Variants in RBM47 observed in about 807,000 individuals in gnomAD.
The protein encoded by RBM47 is RNA binding motif protein 47.
Under a neutral mutation model 47.1 loss-of-function variants are expected in RBM47, and 21 were observed. That is an observed-to-expected ratio of 0.45 (90% CI 0.32 to 0.64). The LOEUF is 0.64. Among genes scored for constraint, RBM47 ranks in the 30% least tolerant of loss-of-function variants. RBM47 has a pLI of 0.05. For synonymous variants in RBM47, 375 were observed against 361.7 expected (o/e 1.04, Z -0.42); for missense variants, 708 against 870.9 (o/e 0.81, Z 2.35).
intron 2 of RBM47, among the ~76,000 whole-genome samples, chr4:40,493,173 T>C (rs1051052732): frequency 2.0e-5 from 3 of 152,174 alleles, no homozygotes; most frequent in African/African-American, 7.2e-5. Context: ...ATTTATAGGA[T>C]TCCCCCTATG....
intron 1 of RBM47, among the ~76,000 whole-genome samples, chr4:40,549,109 T>TGGGGGG (rs369365106): frequency 6.8e-6 from 1 of 147,000 alleles, no homozygotes; most frequent in African/African-American, 2.6e-5. Flanking sequence ...TCTTTTTTTT[T>TGGGGGG]GGGGGGGGGG....
intron 1 of RBM47, among the ~76,000 whole-genome samples, chr4:40,609,309 T>G (rs1736040764): frequency 6.7e-6 from 1 of 149,334 alleles, no homozygotes; most frequent in Admixed American, 6.6e-5. Flanking sequence ...TTTATTTTTA[T>G]TTTTATTGGT....
chr4:40,544,900 A>G (rs564647628), intron 1 of RBM47, among the ~76,000 whole-genome samples: 1 of 152,244 alleles, frequency 6.6e-6, no homozygotes, highest in Admixed American at 6.5e-5. Context: ...GTGAGAGCCT[A>G]TCTCTACAAA....
At chr4:40,629,291 G>C (rs1738015802) in intron 1 of RBM47, 105 bp downstream of exon 1, 1 of 152,072 alleles carries the variant, frequency 6.6e-6, no homozygotes, top group Non-Finnish European at 1.5e-5. Flanking sequence ...TGAGGGATAA[G>C]AGCTAAAGAG....
chr4:40,577,522 C>A (rs1032758359), intron 1 of RBM47, among the ~76,000 whole-genome samples: 21 of 151,246 alleles, frequency 1.4e-4, no homozygotes, highest in African/African-American at 7.3e-5. Flanking sequence ...ATAATGGGTA[C>A]CTGGTTAGAT....
intron 1 of RBM47, among the ~76,000 whole-genome samples, chr4:40,616,134 C>G (rs1371755437): frequency 2.0e-5 from 3 of 151,978 alleles, no homozygotes; most frequent in African/African-American, 4.8e-5. Context: ...GGGCGGATCA[C>G]GAGGTCAGGA....
chr4:40,620,003 C>T (rs1737104599), intron 1 of RBM47, among the ~76,000 whole-genome samples: 1 of 152,052 alleles, frequency 6.6e-6, no homozygotes, highest in Non-Finnish European at 1.5e-5. Context: ...TTGAGTCCAG[C>T]CTGGCCAACA....
intron 1 of RBM47, among the ~76,000 whole-genome samples, chr4:40,566,343 A>G (rs1247414397): frequency 6.6e-6 from 1 of 152,104 alleles, no homozygotes; most frequent in Non-Finnish European, 1.5e-5. Flanking sequence ...TCTGAGGCCA[A>G]CATCGTTAAG....
intron 1 of RBM47, among the ~76,000 whole-genome samples, chr4:40,584,339 G>A (rs745586619): frequency 6.6e-6 from 1 of 152,120 alleles, no homozygotes; most frequent in Non-Finnish European, 1.5e-5. Context: ...AACCCTGTGA[G>A]CCATGACATG....
At chr4:40,513,410 G>A (rs1398671384) in intron 2 of RBM47, among the ~76,000 whole-genome samples, 2 of 152,022 alleles carry the variant, frequency 1.3e-5, no homozygotes, top group African/African-American at 2.4e-5. Flanking sequence ...GAAATCTGTT[G>A]GAACTATTTT....
At chr4:40,434,347 C>T (rs954237994) in intron 5 of RBM47, among the ~76,000 whole-genome samples, 8 of 152,060 alleles carry the variant, frequency 5.3e-5, no homozygotes, top group African/African-American at 1.7e-4. Flanking sequence ...AGACGCCAAT[C>T]GATGGGGCCC....
intron 1 of RBM47, among the ~76,000 whole-genome samples, chr4:40,578,082 G>A (rs1732508484): frequency 6.6e-6 from 1 of 152,166 alleles, no homozygotes; most frequent in Non-Finnish European, 1.5e-5. Context: ...GAGTCACCCA[G>A]GCTAAAGTTC....
chr4:40,493,161 A>G (rs913521355), intron 2 of RBM47, among the ~76,000 whole-genome samples: 11 of 152,188 alleles, frequency 7.2e-5, no homozygotes, highest in Admixed American at 5.9e-4. Flanking sequence ...ATTTCAAGAT[A>G]TATTTATAGG....
intron 2 of RBM47, among the ~76,000 whole-genome samples, chr4:40,532,867 T>C (rs1439361480): frequency 2.0e-5 from 3 of 152,160 alleles, no homozygotes; most frequent in East Asian, 1.9e-4. Context: ...CTCTAGGCTA[T>C]ACCAGTAGCT....
chr4:40,433,535 G>A (rs1224732999), intron 5 of RBM47, among the ~76,000 whole-genome samples: 2 of 152,214 alleles, frequency 1.3e-5, no homozygotes, highest in African/African-American at 4.8e-5. Context: ...AACAGGCTTA[G>A]ACGAAGAAGT....
chr4:40,540,725 G>A (rs965985547), intron 2 of RBM47, among the ~76,000 whole-genome samples: 2 of 147,190 alleles, frequency 1.4e-5, no homozygotes, highest in African/African-American at 5.0e-5. Flanking sequence ...TTTCCTTATA[G>A]AACTATATAG....
chr4:40,500,127 C>T (rs2154249824), intron 2 of RBM47, among the ~76,000 whole-genome samples: 2 of 152,194 alleles, frequency 1.3e-5, no homozygotes, highest in South Asian at 4.1e-4. Flanking sequence ...CCAGCCTCGC[C>T]AACAGAGTGA....
intron 3 of RBM47, among the ~76,000 whole-genome samples, chr4:40,455,885 G>A (rs1169222760): frequency 6.6e-6 from 1 of 152,210 alleles, no homozygotes; most frequent in Non-Finnish European, 1.5e-5. Flanking sequence ...CAACTGTGTA[G>A]TCACAGTTTA....
chr4:40,581,016 G>A (rs1171549707), intron 1 of RBM47, among the ~76,000 whole-genome samples: 12 of 152,232 alleles, frequency 7.9e-5, no homozygotes, highest in Non-Finnish European at 4.4e-5. Context: ...AGAATCTGTG[G>A]CTGGAATCTG....
Sources: gnomAD v4.1 joint callset for allele counts (sites outside exome capture counted in the v4.1 genomes callset) on GRCh38, gnomAD v4.1.1 for gene constraint, MANE v1.5 for transcripts, NCBI Gene and HGNC (gene_info 2026-07-23, HGNC 2026-07-21) for gene names.